The following MAPKBP1 variants were observed in gnomAD, a reference collection of about 807,000 sequenced individuals.
MAPKBP1 encodes mitogen-activated protein kinase-binding protein 1.
MAPKBP1 carries 71 observed loss-of-function variants against 170.5 expected under a neutral mutation model. That is an observed-to-expected ratio of 0.42 (90% CI 0.34 to 0.51). The LOEUF is 0.51. Among genes scored for constraint, MAPKBP1 ranks in the 20% least tolerant of loss-of-function variants. MAPKBP1 has a pLI of 0.06. For synonymous variants in MAPKBP1, 719 were observed against 757.9 expected, an observed-to-expected ratio of 0.95 and a Z score of 0.84; for missense variants, 1,598 against 1,933.0, an observed-to-expected ratio of 0.83 and a Z score of 3.25.
chr15:41,804,420 G>A (rs1166648142), intron 3 of MAPKBP1, among the ~76,000 whole-genome samples: 1 of 152,232 alleles, frequency 6.6e-6, no homozygotes, highest in East Asian at 1.9e-4. Context: ...ATAAGTTTGT[G>A]CAGCCTGCCT....
chr15:41,788,043 C>T (rs778822953), intron 2 of MAPKBP1, among the ~76,000 whole-genome samples: 4 of 151,858 alleles, frequency 2.6e-5, no homozygotes, highest in East Asian at 1.9e-4. Context: ...CTGCAACCTC[C>T]GCCTCCCAGG....
At chr15:41,822,518 G>A in intron 26 of MAPKBP1, 75 bp from the exon 27 acceptor site, 2 of 1,604,668 alleles carry the variant, frequency 1.2e-6, no homozygotes, top group Non-Finnish European at 1.7e-6. Flanking sequence ...GCTGTGGCTG[G>A]GGGTCTCAAG....
At chr15:41,791,784 CTCTT>C (rs1449839760) in intron 2 of MAPKBP1, among the ~76,000 whole-genome samples, 6 of 152,182 alleles carry the variant, frequency 3.9e-5, no homozygotes, top group African/African-American at 1.4e-4. Flanking sequence ...TTCTCCTCCT[CTCTT>C]TCTCACTGCC....
chr15:41,813,029 C>T lies in MAPKBP1; in HGVS notation c.747C>T (p.Phe249=). The change falls in exon 8 of 31, where the codon TTC becomes TTT. Residue 249 remains phenylalanine (F), a synonymous_variant. Coordinates refer to ENST00000457542, the MANE Select transcript of MAPKBP1 (RefSeq NM_014994.3). ...GAGGAAAAAAGGCGGACAGTACCTT[C>T]TGCATCACGTCCTCAGGGCTGCTGT... ...CGRGKKADST[F]CITSSGLLCE... is the part of the protein sequence containing the mutation. 1.2e-6 allele frequency: 2 copies of T among 1,614,068 alleles called. No homozygotes were observed. Among genetic ancestry groups the T allele is most frequent in the Non-Finnish European group, 1.7e-6 (2 of 1,179,934 alleles).
intron 28 of MAPKBP1, 63 bp from the exon 29 acceptor site, chr15:41,823,384 G>T: frequency 6.4e-7 from 1 of 1,562,140 alleles, no homozygotes; most frequent in South Asian, 1.2e-5. Context: ...TCGGGATTGG[G>T]TGTTGGCACC....
In MAPKBP1 at chr15:41,819,635, C is replaced by T; in HGVS notation, c.2466C>T (p.His822=). The change falls in exon 22 of 31, where the codon CAC becomes CAT. Residue 822 remains histidine (H), a synonymous_variant. Coordinates refer to ENST00000457542, the MANE Select transcript of MAPKBP1 (RefSeq NM_014994.3). The part of the protein sequence containing the change: ...PSPALPRSLS[H]WEMSRAQESV... ...CAGCTTTGCCCCGAAGCCTGTCCCA[C>T]TGGGAGATGAGTCGGGTGAGTCGCC... The T allele has an allele frequency of 6.2e-7, 1 of 1,611,156 alleles. No individual in the cohort carries two copies. Among genetic ancestry groups the T allele is most frequent in the Non-Finnish European group, 8.5e-7 (1 of 1,178,414 alleles).
In MAPKBP1 at chr15:41,817,148, G is replaced by A. The variant is rs2064905908; in HGVS notation, c.1711+113G>A. The stretch of plus-strand genomic sequence containing the variant: ...GTGGGGGAGTGTTGGACAGCAGCTG[G>A]GAGGCCTGGAGCTGGTTGGGAAGAT... On this transcript the variant is annotated intron_variant, in intron 14 of 30. Coordinates refer to ENST00000457542, the MANE Select transcript of MAPKBP1 (RefSeq NM_014994.3). The surrounding 1 kb of genome is among the most constrained non-coding windows in gnomAD (Gnocchi z 4.2). 1 of 1,478,268 alleles carries A rather than the reference G, an allele frequency of 6.8e-7. No individual in the cohort carries two copies. The highest frequency in any genetic ancestry group is 1.4e-5 in the African/African-American group (1 of 71,194). 91.6% of individuals were successfully genotyped at this position (1,478,268 alleles called of 1,614,324 possible).
chr15:41,800,856 C>T (rs1016096910), intron 3 of MAPKBP1, among the ~76,000 whole-genome samples: 1 of 152,208 alleles, frequency 6.6e-6, no homozygotes, highest in African/African-American at 2.4e-5. Context: ...GCCTTAGCCT[C>T]CTGAATAGCT....
chr15:41,821,881 A>G, intron 24 of MAPKBP1, 84 bp from the exon 25 acceptor site: 1 of 1,569,200 alleles, frequency 6.4e-7, no homozygotes, highest in Non-Finnish European at 8.7e-7. Flanking sequence ...CTCATCCCTC[A>G]CCCTGATCAC....
rs376195142 is a variant in MAPKBP1, at chr15:41,816,358, G to A, written c.1494-201G>A. On this transcript the variant is annotated intron_variant, in intron 12 of 30. Coordinates refer to ENST00000457542, the MANE Select transcript of MAPKBP1 (RefSeq NM_014994.3). ...CATAAATTTCCTAGTTTTGATAATTGCACTATCGTTATGTAAGATGTTCAC... is the reference window on the plus strand; with the variant it reads ...CATAAATTTCCTAGTTTTGATAATTACACTATCGTTATGTAAGATGTTCAC... 227 of 560,264 alleles carry A rather than the reference G, an allele frequency of 4.1e-4. 1 individual carries two copies. The highest frequency in any genetic ancestry group is 3.7e-3 in the African/African-American group (198 of 53,604). 34.7% of individuals were successfully genotyped at this position (560,264 alleles called of 1,614,324 possible).
intron 2 of MAPKBP1, among the ~76,000 whole-genome samples, chr15:41,780,515 G>A (rs535806524): frequency 1.3e-5 from 2 of 152,306 alleles, no homozygotes; most frequent in South Asian, 4.1e-4. Flanking sequence ...TGTTCAGACT[G>A]CAGTGTTGTT....
At chr15:41,815,598 C>T (rs1315151258) in intron 11 of MAPKBP1, 26 bp from the exon 12 acceptor site, 3 of 1,604,770 alleles carry the variant, frequency 1.9e-6, no homozygotes, top group Non-Finnish European at 2.6e-6. Flanking sequence ...CCTGCCTCAT[C>T]CACCTTTTCT....
intron 3 of MAPKBP1, among the ~76,000 whole-genome samples, chr15:41,805,016 C>G (rs2064666146): frequency 6.6e-6 from 1 of 152,186 alleles, no homozygotes; most frequent in Non-Finnish European, 1.5e-5. Flanking sequence ...CCCCCAGCCC[C>G]CACGCTCTTG....
chr15:41,825,883 C>T lies in MAPKBP1; in HGVS notation c.*447C>T, dbSNP rs1250554434. Reference sequence around the variant, plus strand: ...TGCCCGTCAGCCAACTGTGGGCCTTCACCTCTACCTGCACTTCCCCTCTCA... The same window carrying T: ...TGCCCGTCAGCCAACTGTGGGCCTTTACCTCTACCTGCACTTCCCCTCTCA... On this transcript the variant is annotated 3_prime_UTR_variant, in exon 31 of 31. Transcript: ENST00000457542. 2 of 154,426 alleles carry T rather than the reference C, an allele frequency of 1.3e-5. No homozygotes were observed. Among genetic ancestry groups the T allele is most frequent in the African/African-American group, 2.4e-5 (1 of 41,526 alleles). 9.6% of individuals were successfully genotyped at this position (154,426 alleles called of 1,614,324 possible). A position where few individuals can be genotyped will look rare whatever the true frequency, so the allele number is the denominator to read the frequency against.
In MAPKBP1 at chr15:41,819,551, G is replaced by GGGC. The variant is rs2064954736; in HGVS notation, c.2426-42_2426-41insCGG. 1.3e-5 allele frequency: 20 copies of GGGC among 1,515,304 alleles called. 1 individual carries two copies. Among genetic ancestry groups the GGGC allele is most frequent in the South Asian group, 2.3e-5 (2 of 87,592 alleles). 93.9% of individuals were successfully genotyped at this position (1,515,304 alleles called of 1,614,324 possible). ...CAGGGCTCCAGGGTTGGGTGGCGGGGGGGGGGCAGGAGACACTTCCTCTGA... is the reference window on the plus strand; with the variant it reads ...CAGGGCTCCAGGGTTGGGTGGCGGGGGGCGGGGGGCAGGAGACACTTCCTCTGA... On this transcript the variant is annotated intron_variant, in intron 21 of 30. Transcript: ENST00000457542.
Position 41,818,176 on chromosome 15 carries a change from C to T in MAPKBP1, c.1981-18C>T, listed in dbSNP as rs757590209. 5.6e-6 allele frequency: 9 copies of T among 1,610,660 alleles called. No homozygotes were observed. The highest frequency in any genetic ancestry group is 5.5e-5 in the South Asian group (5 of 91,040). ...GTACTTCCCATGTCCTCCAGCTGCA[C>T]ACCCTGCTACTCCTCAGGTGCAGAC... On this transcript the variant is annotated intron_variant, in intron 17 of 30. Transcript: ENST00000457542. The surrounding 1 kb of genome is among the most constrained non-coding windows in gnomAD (Gnocchi z 5.2).
chr15:41,781,559 C>T (rs2064189198), intron 2 of MAPKBP1, among the ~76,000 whole-genome samples: 1 of 152,032 alleles, frequency 6.6e-6, no homozygotes, highest in African/African-American at 2.4e-5. Flanking sequence ...GGGATGATTG[C>T]TCGAGCCCAG....
chr15:41,789,186 G>A (rs2064350620), intron 2 of MAPKBP1, among the ~76,000 whole-genome samples: 1 of 152,086 alleles, frequency 6.6e-6, no homozygotes, highest in Non-Finnish European at 1.5e-5. Context: ...AGAAAATCAG[G>A]TGTGTAGAGG....
At chr15:41,796,605 TC>T (rs138592370) in intron 2 of MAPKBP1, among the ~76,000 whole-genome samples, 16 of 151,092 alleles carry the variant, frequency 1.1e-4, no homozygotes, top group South Asian at 1.1e-3. Flanking sequence ...AAACTGCTTT[TC>T]CCCCCCCTTG....
Sources: gnomAD v4.1 joint callset for allele counts (sites outside exome capture counted in the v4.1 genomes callset) on GRCh38, gnomAD v4.1.1 for gene constraint, Gnocchi (gnomAD v3.1) non-coding constraint, MANE v1.5 for transcripts, NCBI Gene and HGNC (gene_info 2026-07-23, HGNC 2026-07-21) for gene names.